The following ABCA12 variants were observed in gnomAD, a reference collection of about 807,000 sequenced individuals.
ABCA12 encodes the protein ATP binding cassette subfamily A member 12.
A neutral mutation model predicts 293.5 loss-of-function variants in ABCA12; 156 were observed. The ratio of observed to expected loss-of-function variants is 0.53; its 90% CI spans 0.47 to 0.61. The LOEUF (loss-of-function observed/expected upper bound fraction) is 0.61, where lower values mean the gene tolerates loss of function less well. Among genes scored for constraint, ABCA12 ranks in the 20% least tolerant of loss-of-function variants. The pLI is 0.00. For missense variants in ABCA12, 2,797 were observed against 3,090.2 expected (o/e 0.91, Z 2.25); for synonymous variants, 1,063 against 1,108.0 (o/e 0.96, Z 0.81).
At chr2:214,973,454 G>A (rs907300038) in intron 36 of ABCA12, among the ~76,000 whole-genome samples, 2 of 152,152 alleles carry the variant, frequency 1.3e-5, no homozygotes, top group Non-Finnish European at 2.9e-5. Flanking sequence ...CGCATCAATA[G>A]AATACAGACA....
At chr2:215,132,212 C>A (rs1168590269) in intron 1 of ABCA12, among the ~76,000 whole-genome samples, 3 of 151,972 alleles carry the variant, frequency 2.0e-5, no homozygotes, top group African/African-American at 7.2e-5. Flanking sequence ...GTATATTCTG[C>A]AGTTGTTGGG....
Position 215,000,863 on chromosome 2 carries a change from TG to T in ABCA12, c.3020del (p.Pro1007HisfsTer38), listed in dbSNP as rs758146567. On this transcript the variant is annotated frameshift_variant, in exon 22 of 53. Coordinates refer to ENST00000272895, the MANE Select transcript of ABCA12 (RefSeq NM_173076.3). LOFTEE classifies it high-confidence loss of function. ...TCTGGTTGTGTGATGGAGAATTGTG[TG>T]GCCCTGGAGCCCAAATCTTGGTTCT... ...SLRTKIWAPG[P>X]HNSPSHNQIY... 1.9e-6 allele frequency: 3 copies of T among 1,614,202 alleles called. No individual in the cohort carries two copies. The highest frequency in any genetic ancestry group is 2.5e-6 in the Non-Finnish European group (3 of 1,180,020).
At chr2:214,953,831 C>A (rs763992086) in intron 44 of ABCA12, 23 bp downstream of exon 44, 13 of 1,610,734 alleles carry the variant, frequency 8.1e-6, no homozygotes, top group Non-Finnish European at 1.0e-5. Flanking sequence ...AGATGTCAAA[C>A]GTTATGTTTT....
intron 23 of ABCA12, among the ~76,000 whole-genome samples, chr2:214,996,528 G>A (rs558494972): frequency 3.0e-4 from 45 of 152,122 alleles, no homozygotes; most frequent in African/African-American, 1.0e-3. Flanking sequence ...TCATAATTAC[G>A]GTTGAAGGCA....
intron 38 of ABCA12, 96 bp downstream of exon 38, chr2:214,968,624 G>A (rs1389905659): frequency 5.1e-6 from 6 of 1,180,904 alleles, no homozygotes; most frequent in African/African-American, 1.5e-5. Flanking sequence ...CAAATCGATT[G>A]TACCCATATT....
intron 2 of ABCA12, among the ~76,000 whole-genome samples, chr2:215,109,805 T>C (rs1202701508): frequency 6.6e-6 from 1 of 152,202 alleles, no homozygotes; most frequent in Non-Finnish European, 1.5e-5. Context: ...TATTTCTCTC[T>C]TGGAAGTTTT....
At chr2:215,083,405 G>A (rs1467979412) in intron 2 of ABCA12, among the ~76,000 whole-genome samples, 3 of 152,142 alleles carry the variant, frequency 2.0e-5, no homozygotes, top group Non-Finnish European at 1.5e-5. Flanking sequence ...GGTTCAGTAC[G>A]AAGGTATCAG....
intron 8 of ABCA12, 49 bp from the exon 9 acceptor site, chr2:215,031,945 A>C: frequency 6.2e-7 from 1 of 1,610,550 alleles, no homozygotes; most frequent in Non-Finnish European, 8.5e-7. Flanking sequence ...GTTTGCTTAA[A>C]GATTTTTTTC....
chr2:215,049,594 A>G, intron 6 of ABCA12, 32 bp downstream of exon 6: 1 of 1,586,788 alleles, frequency 6.3e-7, no homozygotes, highest in Non-Finnish European at 8.6e-7. Context: ...ATTCATGTTG[A>G]GTCACTTTGT....
chr2:215,017,748 G>A, intron 14 of ABCA12: 1 of 436,028 alleles, frequency 2.3e-6, no homozygotes, highest in South Asian at 2.3e-5. Flanking sequence ...AGCCATCTGG[G>A]GGTAAGGAAA....
At chr2:214,957,544 T>G (rs1698987807) in intron 41 of ABCA12, among the ~76,000 whole-genome samples, 1 of 152,184 alleles carries the variant, frequency 6.6e-6, no homozygotes, top group African/African-American at 2.4e-5. Flanking sequence ...ACAAACACAT[T>G]TTAGACCTCA....
rs1010860125 is a variant in ABCA12 at position 215,089,807 on chromosome 2, C to T, written c.163+21790G>A. The stretch of plus-strand genomic sequence containing the variant: ...ATAAGAACCATTGATTTCCTTTTTT[C>T]CTCCAAACACTAGACCAGTTTTTTA... On this transcript the variant is annotated intron_variant, in intron 2 of 52. Coordinates refer to ENST00000272895, the MANE Select transcript of ABCA12 (RefSeq NM_173076.3). Among the ~76,000 whole-genome samples the T allele has an allele frequency of 7.2e-5, 11 of 152,112 alleles. No individual in the cohort carries two copies. The East Asian group carries it at 2.1e-3, about 29-fold the overall frequency.
At chr2:215,032,113 G>A (rs2106031070) in intron 8 of ABCA12, 3 of 1,409,280 alleles carry the variant, frequency 2.1e-6, no homozygotes, top group Non-Finnish European at 2.8e-6. Context: ...AAATAATCCC[G>A]ATGGTCAAGC....
chr2:214,991,577 C>T, intron 23 of ABCA12, among the ~76,000 whole-genome samples: 1 of 152,054 alleles, frequency 6.6e-6, no homozygotes, highest in East Asian at 1.9e-4. Context: ...AAACACATAA[C>T]TTAAGGGAGA....
At chr2:214,955,161 G>A in intron 43 of ABCA12, 41 bp downstream of exon 43, 2 of 1,605,036 alleles carry the variant, frequency 1.2e-6, no homozygotes, top group South Asian at 1.1e-5. Context: ...CCTGGAACAT[G>A]TTGAAGCTTT....
rs371116369 is a variant in ABCA12, at chr2:215,000,886, T to C, written c.2998A>G (p.Thr1000Ala). The C allele has an allele frequency of 3.1e-6, 5 of 1,614,006 alleles. No homozygotes were observed. The highest frequency in any genetic ancestry group is 1.7e-5 in the Admixed American group (1 of 59,998). Residue 1000 changes from threonine to alanine, a missense_variant, in exon 22 of 53, where the codon ACC (threonine) becomes GCC (alanine). This residue lies in a region of ABCA12 where 2,130 missense variants were observed against 2,427.0 expected (regional missense o/e 0.88). Coordinates refer to ENST00000272895, the MANE Select transcript of ABCA12 (RefSeq NM_173076.3). ...KTAQTTRSLR[T>A]KIWAPGPHNS... ...TGTGGCCCTGGAGCCCAAATCTTGG[T>C]TCTTAGGCTTCTTGTGGTCTGTGCG... is the stretch of plus-strand genomic sequence containing the variant.
rs144970363 is a variant in ABCA12, at chr2:215,077,674, T to C, written c.164-13455A>G. Among the ~76,000 whole-genome samples, 9 of 152,362 alleles carry C rather than the reference T, an allele frequency of 5.9e-5. No individual in the cohort carries two copies. In the East Asian group the frequency reaches 1.5e-3, roughly 26 times the overall value. On this transcript the variant is annotated intron_variant, in intron 2 of 52. Coordinates refer to ENST00000272895, the MANE Select transcript of ABCA12 (RefSeq NM_173076.3). ...AGTTTCTCATAATCCTTCAAACTTT[T>C]GGTTGTTGGCAAACATGTGCCATTT...
intron 15 of ABCA12, among the ~76,000 whole-genome samples, chr2:215,015,051 G>A (rs189588931): frequency 1.3e-5 from 2 of 151,702 alleles, no homozygotes; most frequent in African/African-American, 2.4e-5. Context: ...AATTGATGAA[G>A]GAAACAGGAA....
intron 34 of ABCA12, 94 bp from the exon 35 acceptor site, chr2:214,974,958 G>T: frequency 8.5e-7 from 1 of 1,178,256 alleles, no homozygotes; most frequent in Non-Finnish European, 1.3e-6. Flanking sequence ...GCTGTATATA[G>T]AAGGGTTTTC....
Sources: allele counts gnomAD v4.1 joint callset (sites outside exome capture counted in the v4.1 genomes callset), GRCh38; gene constraint gnomAD v4.1.1; regional missense constraint gnomAD v4.1.1; transcripts MANE v1.5; gene names NCBI Gene and HGNC (gene_info 2026-07-23, HGNC 2026-07-21).